Variants in TENM2 observed in about 807,000 individuals in gnomAD.
TENM2 encodes the protein teneurin-2.
Under a neutral mutation model 245.2 loss-of-function variants are expected in TENM2, and 52 were observed. That is an observed-to-expected ratio of 0.21 (90% CI 0.17 to 0.27). TENM2 has a LOEUF of 0.27. Ranked by LOEUF, TENM2 falls within the 10% of genes least tolerant of loss-of-function variation. The probability of loss-of-function intolerance (pLI) is 1.00; values close to 1 mark genes in which losing one functional copy is unlikely to be tolerated. For missense variants in TENM2, 3,046 were observed against 3,666.8 expected, an observed-to-expected ratio of 0.83 and a Z score of 4.37; for synonymous variants, 1,363 against 1,438.9, an observed-to-expected ratio of 0.95 and a Z score of 1.19.
intron 2 of TENM2, among the ~76,000 whole-genome samples, chr5:167,583,081 C>T (rs1005637872): frequency 6.6e-6 from 1 of 152,164 alleles, no homozygotes; most frequent in Non-Finnish European, 1.5e-5. Context: ...TAGGAAATGA[C>T]ATAATGTAGC....
chr5:167,181,031 A>G, the TENM2 span, among the ~76,000 whole-genome samples: 1 of 152,054 alleles, frequency 6.6e-6, no homozygotes, highest in African/African-American at 2.4e-5. Context: ...TCAAGGGTCA[A>G]CTGTATTTTG....
intron 2 of TENM2, among the ~76,000 whole-genome samples, chr5:167,807,034 C>T (rs1377107739): frequency 1.4e-5 from 2 of 147,478 alleles, no homozygotes; most frequent in African/African-American, 5.0e-5. Context: ...TCTCTAGTCC[C>T]TCTAGAGGTC....
the TENM2 span, among the ~76,000 whole-genome samples, chr5:167,025,646 AC>A: frequency 6.6e-6 from 1 of 152,188 alleles, no homozygotes; most frequent in African/African-American, 2.4e-5. Context: ...AAAATAAAAA[AC>A]AAAAACAGAA....
chr5:167,592,047 C>A lies in TENM2; in HGVS notation c.502+216574C>A, dbSNP rs144479318. 7.0e-4 allele frequency among the ~76,000 whole-genome samples: 107 copies of A among 152,260 alleles called. 1 individual carries two copies. Among genetic ancestry groups the A allele is most frequent in the South Asian group, 3.5e-3 (17 of 4,826 alleles). ...TGGGTATTCCATGCCACAGTATACA[C>A]CAATACAGAATGAGGACAAGCGTTC... On this transcript the variant is annotated intron_variant, in intron 2 of 28. Coordinates refer to ENST00000518659, the Ensembl canonical transcript of TENM2.
At chr5:167,728,330 T>G (rs1760171776) in intron 2 of TENM2, among the ~76,000 whole-genome samples, 1 of 151,992 alleles carries the variant, frequency 6.6e-6, no homozygotes, top group Non-Finnish European at 1.5e-5. Context: ...TGGCCAGGCA[T>G]GATGGCTCAC....
the TENM2 span, among the ~76,000 whole-genome samples, chr5:167,059,551 A>G: frequency 6.6e-6 from 1 of 152,176 alleles, no homozygotes; most frequent in South Asian, 2.1e-4. Flanking sequence ...ACACACATAC[A>G]TACGTTACTC....
the TENM2 span, among the ~76,000 whole-genome samples, chr5:166,982,791 T>TTG: frequency 6.7e-6 from 1 of 149,622 alleles, no homozygotes; most frequent in Non-Finnish European, 1.5e-5. Flanking sequence ...ATGTTTTTTT[T>TTG]GGGGGGGGGA....
chr5:168,065,876 T>C (rs1457944513), intron 7 of TENM2, among the ~76,000 whole-genome samples: 1 of 151,006 alleles, frequency 6.6e-6, no homozygotes. Context: ...TTCTTGTTTA[T>C]GCTACACCAT....
chr5:167,407,355 T>C (rs1465648982), intron 2 of TENM2, among the ~76,000 whole-genome samples: 6 of 152,164 alleles, frequency 3.9e-5, no homozygotes, highest in Admixed American at 3.9e-4. Context: ...AGGTACTAGT[T>C]AAAGGAGCTG....
At position 168,017,160 on chromosome 5, in the gene TENM2, T is replaced by C. The variant is rs115319497; in HGVS notation, c.1186+23978T>C. Among the ~76,000 whole-genome samples, 882 of 152,198 alleles carry C rather than the reference T, an allele frequency of 5.8e-3. 7 individuals carry two copies. Among genetic ancestry groups the C allele is most frequent in the African/African-American group, 0.02 (842 of 41,504 alleles). ...ATCATTTCACCAAAGTAAAAGGAAGTAGAGACAATTGATGATTGATGTTAG... is the reference window on the plus strand; with the variant it reads ...ATCATTTCACCAAAGTAAAAGGAAGCAGAGACAATTGATGATTGATGTTAG... On this transcript the variant is annotated intron_variant, in intron 5 of 28. Coordinates refer to ENST00000518659, the Ensembl canonical transcript of TENM2.
At chr5:167,982,125 C>T (rs1299745685) in intron 4 of TENM2, among the ~76,000 whole-genome samples, 2 of 152,170 alleles carry the variant, frequency 1.3e-5, no homozygotes, top group African/African-American at 4.8e-5. Flanking sequence ...TCTTTCCCAC[C>T]CCAGGGACTT....
At chr5:167,805,280 G>T (rs888820415) in intron 2 of TENM2, among the ~76,000 whole-genome samples, 1 of 152,120 alleles carries the variant, frequency 6.6e-6, no homozygotes, top group African/African-American at 2.4e-5. Context: ...GGTTCTCAAA[G>T]TTGGTGAAGT....
intron 2 of TENM2, among the ~76,000 whole-genome samples, chr5:167,450,972 C>G (rs1465435833): frequency 6.6e-6 from 1 of 152,100 alleles, no homozygotes; most frequent in African/African-American, 2.4e-5. Context: ...TGTACAGTCT[C>G]TTATTTTTTT....
chr5:167,346,869 G>C (rs1469813131), intron 1 of TENM2, among the ~76,000 whole-genome samples: 1 of 152,040 alleles, frequency 6.6e-6, no homozygotes, highest in African/African-American at 2.4e-5. Flanking sequence ...GACCTCCTGG[G>C]CTCAAGCAAT....
intron 3 of TENM2, among the ~76,000 whole-genome samples, chr5:167,911,506 G>A (rs941917997): frequency 2.0e-5 from 3 of 152,180 alleles, no homozygotes; most frequent in Non-Finnish European, 2.9e-5. Context: ...CAGCCTGGGC[G>A]ACAGAGCGAG....
chr5:167,408,968 A>G (rs1363894301), intron 2 of TENM2, among the ~76,000 whole-genome samples: 1 of 151,180 alleles, frequency 6.6e-6, no homozygotes, highest in East Asian at 1.9e-4. Flanking sequence ...ATACACACAC[A>G]CACATACAAT....
At chr5:167,870,554 C>CATATATATATATATATATATATATAT (rs60172043) in intron 2 of TENM2, among the ~76,000 whole-genome samples, 8 of 128,372 alleles carry the variant, frequency 6.2e-5, no homozygotes, top group African/African-American at 2.3e-4. Context: ...AATGTGTATA[C>CATATATATATATATATATATATATAT]ATATATATAT....
intron 5 of TENM2, among the ~76,000 whole-genome samples, chr5:168,008,413 G>A (rs187185926): frequency 3.3e-5 from 5 of 152,236 alleles, no homozygotes; most frequent in East Asian, 1.9e-4. Flanking sequence ...GTTCATAAGC[G>A]GGAGTATAAT....
chr5:168,199,103 C>A, exon 16 of TENM2: 1 of 1,611,060 alleles, frequency 6.2e-7, no homozygotes, highest in African/African-American at 1.3e-5. Flanking sequence ...TCCCATCGTG[C>A]CTGAGACCCA....
Sources: gnomAD v4.1 joint callset for allele counts (sites outside exome capture counted in the v4.1 genomes callset) on GRCh38, gnomAD v4.1.1 for gene constraint, MANE v1.5 for transcripts, NCBI Gene and HGNC (gene_info 2026-07-23, HGNC 2026-07-21) for gene names.